TAP2: variants seen among roughly 807,000 people sequenced by gnomAD.
TAP2 encodes antigen peptide transporter 2.
A neutral mutation model predicts 74.7 loss-of-function variants in TAP2; 49 were observed. The ratio of observed to expected loss-of-function variants is 0.66; its 90% CI spans 0.52 to 0.83. The LOEUF is 0.83. Ranked by LOEUF, TAP2 falls within the 40% of genes least tolerant of loss-of-function variation. The pLI, the probability that TAP2 is intolerant of heterozygous loss-of-function variation, is 0.00. For missense variants in TAP2, 739 were observed against 859.0 expected (o/e 0.86, Z 1.75); for synonymous variants, 306 against 368.4 (o/e 0.83, Z 1.94).
rs531047135 is a variant in TAP2 at position 32,825,873 on chromosome 6, T to C, written c.*3033A>G. The C allele has an allele frequency of 1.7e-5, 10 of 593,586 alleles. No individual in the cohort carries two copies. The South Asian group carries it at 7.4e-4, about 44-fold the overall frequency. 36.8% of individuals were successfully genotyped at this position (593,586 alleles called of 1,614,324 possible). ...AAACTCCATTTTCTCACTCTTAGAA[T>C]TGAGATAGTAATACCTGCCACATAG... On this transcript the variant is annotated 3_prime_UTR_variant, in exon 12 of 12. Transcript: ENST00000374897.
Position 32,828,233 on chromosome 6 carries a change from C to T in TAP2, c.*673G>A. The T allele has an allele frequency of 1.0e-6, 1 of 971,556 alleles. No individual in the cohort carries two copies. Among genetic ancestry groups the T allele is most frequent in the Non-Finnish European group, 1.2e-6 (1 of 817,376 alleles). The allele number at this position is 971,556 out of a possible 1,614,324, so 60.2% of individuals were successfully genotyped here. On this transcript the variant is annotated 3_prime_UTR_variant, in exon 12 of 12. Transcript: ENST00000374897. The stretch of plus-strand genomic sequence containing the variant: ...AATACATGAAAAACACTTAGCATAG[C>T]TCCTACTCCCATTAAAACTCTATAA...
chr6:32,836,353 G>A (rs1769419940), intron 3 of TAP2, among the ~76,000 whole-genome samples: 2 of 152,176 alleles, frequency 1.3e-5, no homozygotes, highest in African/African-American at 4.8e-5. Context: ...AACACTTAGA[G>A]GAAAAAATAT....
rs1330663087 is a variant in TAP2 at position 32,826,589 on chromosome 6, T to C, written c.*2317A>G. ...TTCAGGGAGCATTTTTCTGTGTCCC[T>C]GACATAAAGCCTACCTGGGAGTTTC... On this transcript the variant is annotated 3_prime_UTR_variant, in exon 12 of 12. Transcript: ENST00000374897. 2.0e-6 allele frequency: 2 copies of C among 985,316 alleles called. No individual in the cohort carries two copies. Among genetic ancestry groups the C allele is most frequent in the African/African-American group, 1.7e-5 (1 of 57,238 alleles). The allele number at this position is 985,316 out of a possible 1,614,324, so 61.0% of individuals were successfully genotyped here.
At position 32,835,638 on chromosome 6, in the gene TAP2, C is replaced by A. The variant is rs746305542; in HGVS notation, c.739+5G>T. The A allele has an allele frequency of 3.1e-6, 5 of 1,612,984 alleles. No homozygotes were observed. The Admixed American group carries it at 8.3e-5, about 27-fold the overall frequency. ...GGAATCTCAGACCTGGACTCCAGGC[C>A]CCACCTGTCTTAGTCTCCTGGAAGA... On this transcript the variant is annotated splice_donor_5th_base_variant and intron_variant, in intron 4 of 11. Coordinates refer to ENST00000374897, the MANE Select transcript of TAP2 (RefSeq NM_001290043.2). This position sits in a 1 kb window ranked among gnomAD's most constrained non-coding sequence, Gnocchi z 4.0.
chr6:32,829,721 A>C (rs1768923087), intron 10 of TAP2, among the ~76,000 whole-genome samples, 185 bp from the exon 11 acceptor site: 1 of 152,150 alleles, frequency 6.6e-6, no homozygotes, highest in Non-Finnish European at 1.5e-5. Context: ...CGGAGGGAGC[A>C]CCACTGCTGC....
chr6:32,826,846 ATCT>A lies in TAP2; in HGVS notation c.*2057_*2059del, dbSNP rs1280674827. The A allele has an allele frequency of 7.1e-6, 7 of 985,444 alleles. No homozygotes were observed. The highest frequency in any genetic ancestry group is 8.4e-6 in the Non-Finnish European group (7 of 829,934). The allele number at this position is 985,444 out of a possible 1,614,324, so 61.0% of individuals were successfully genotyped here. ...AGGAAATCAAAGAATTTCTCAGATCATCTTCTTCTGTGAGGGCTGCAGCTTCCA... is the reference window on the plus strand; with the variant it reads ...AGGAAATCAAAGAATTTCTCAGATCATCTTCTGTGAGGGCTGCAGCTTCCA... On this transcript the variant is annotated 3_prime_UTR_variant, in exon 12 of 12. Coordinates refer to ENST00000374897, the MANE Select transcript of TAP2 (RefSeq NM_001290043.2).
downstream of TAP2, chr6:32,821,960 G>A (rs977129841): frequency 5.0e-5 from 14 of 282,824 alleles, no homozygotes; most frequent in Non-Finnish European, 7.9e-5. Context: ...ATGAGGGGAA[G>A]GGGCTGGGGA....
At chr6:32,822,801 G>T (rs747268811), downstream of TAP2, among the ~76,000 whole-genome samples, 3 of 151,978 alleles carry the variant, frequency 2.0e-5, no homozygotes, top group Non-Finnish European at 2.9e-5. Flanking sequence ...AAAGTGCTGG[G>T]ATTATAGGTG....
In TAP2 at chr6:32,831,235, T is replaced by G. The variant is rs1460391956; in HGVS notation, c.1273-429A>C. 2.6e-5 allele frequency among the ~76,000 whole-genome samples: 4 copies of G among 152,234 alleles called. 1 individual carries two copies. The highest frequency in any genetic ancestry group is 9.6e-5 in the African/African-American group (4 of 41,466). On this transcript the variant is annotated intron_variant, in intron 7 of 11. Coordinates refer to ENST00000374897, the MANE Select transcript of TAP2 (RefSeq NM_001290043.2). ...CTAGGAAAATGTTTAAATAAAGCCC[T>G]GGATGAAGTAGCTGTTTTTGAGAAC...
Position 32,835,223 on chromosome 6 carries a change from G to A in TAP2, c.876C>T (p.Leu292=). The change falls in exon 5 of 12, where the codon CTC becomes CTT. Residue 292 remains leucine (L), a synonymous_variant. Transcript: ENST00000374897. This position sits in a 1 kb window ranked among gnomAD's most constrained non-coding sequence, Gnocchi z 4.0. The part of the protein sequence containing the change: ...YGFMLSISPR[L]TLLSLLHMPF... ...GCATGTGCAGCAGAGAAAGGAGGGT[G>A]AGTCGAGGCGATATGCTGAGCATGA... 1 of 1,613,060 alleles carries A rather than the reference G, an allele frequency of 6.2e-7. No homozygotes were observed. The highest frequency in any genetic ancestry group is 8.5e-7 in the Non-Finnish European group (1 of 1,180,034).
In TAP2 at chr6:32,827,703, A is replaced by G. The variant is rs1438342105; in HGVS notation, c.*1203T>C. 4.2e-6 allele frequency: 4 copies of G among 953,788 alleles called. No homozygotes were observed. The highest frequency in any genetic ancestry group is 5.0e-6 in the Non-Finnish European group (4 of 801,832). 59.1% of individuals were successfully genotyped at this position (953,788 alleles called of 1,614,324 possible). ...AGTTTGTCGTGGAGCTGGATACAAC[A>G]GGAGAGGGTGAGACAGATGGGCTGG... On this transcript the variant is annotated 3_prime_UTR_variant, in exon 12 of 12. Coordinates refer to ENST00000374897, the MANE Select transcript of TAP2 (RefSeq NM_001290043.2).
rs140654840 is a variant in TAP2, at chr6:32,835,161, C to T, written c.938G>A (p.Arg313His). The stretch of plus-strand genomic sequence containing the variant: ...CCTTACATGCACGCTCACCTGATGG[C>T]GGGTGTTGTACACCTTCTCCGCTGC... ...TIAAEKVYNT[R>H]HQEVLREIQD... The change falls in exon 5 of 12, where the codon CGC becomes CAC. Residue 313 changes from arginine to histidine, a missense_variant. Coordinates refer to ENST00000374897, the MANE Select transcript of TAP2 (RefSeq NM_001290043.2). The surrounding 1 kb of genome is among the most constrained non-coding windows in gnomAD (Gnocchi z 4.0). 13,589 of 1,612,528 alleles carry T rather than the reference C, an allele frequency of 8.4e-3. 200 individuals are homozygous for T. The highest frequency in any genetic ancestry group is 0.024 in the African/African-American group (1,824 of 74,994).
chr6:32,835,541 T>C lies in TAP2; in HGVS notation c.739+102A>G, dbSNP rs138965252. The stretch of plus-strand genomic sequence containing the variant: ...CAAACAAGAGAAAAGCATCCCCAAG[T>C]CCTGGCATACGGGTGAAGGCAGGAG... On this transcript the variant is annotated intron_variant, in intron 4 of 11. Coordinates refer to ENST00000374897, the MANE Select transcript of TAP2 (RefSeq NM_001290043.2). The surrounding 1 kb of genome is among the most constrained non-coding windows in gnomAD (Gnocchi z 4.0). 5,394 of 1,562,864 alleles carry C rather than the reference T, an allele frequency of 3.5e-3. 64 individuals carry two copies. Among genetic ancestry groups the C allele is most frequent in the African/African-American group, 0.029 (2,141 of 73,906 alleles).
At chr6:32,824,338 A>G (rs1382565632), downstream of TAP2, among the ~76,000 whole-genome samples, 1 of 152,136 alleles carries the variant, frequency 6.6e-6, no homozygotes, top group Non-Finnish European at 1.5e-5. Context: ...CTGTAATTAC[A>G]TAAGCTGTCT....
intron 7 of TAP2, 95 bp from the exon 8 acceptor site, chr6:32,830,901 G>A (rs2127356207): frequency 1.9e-6 from 2 of 1,062,662 alleles, no homozygotes; most frequent in African/African-American, 3.1e-5. Flanking sequence ...CAACTGCACT[G>A]CTCCTCCTCC....
Position 32,832,162 on chromosome 6 carries a change from A to T in TAP2, c.1272+171T>A. 1.2e-6 allele frequency: 1 copy of T among 868,084 alleles called. No individual in the cohort carries two copies. The highest frequency in any genetic ancestry group is 1.8e-6 in the Non-Finnish European group (1 of 560,364). The allele number at this position is 868,084 out of a possible 1,614,324, so 53.8% of individuals were successfully genotyped here. ...CAGGATGTATACATGTGAGTTTGTA[A>T]TATTATTTTGTCTCATTTTTGGCAT... On this transcript the variant is annotated intron_variant, in intron 7 of 11. Coordinates refer to ENST00000374897, the MANE Select transcript of TAP2 (RefSeq NM_001290043.2). The surrounding 1 kb of genome is among the most constrained non-coding windows in gnomAD (Gnocchi z 5.9).
chr6:32,829,801 C>T (rs905111768), intron 10 of TAP2, 129 bp downstream of exon 10: 8 of 1,297,046 alleles, frequency 6.2e-6, no homozygotes, highest in African/African-American at 2.9e-5. Flanking sequence ...GGGAAGGAGA[C>T]GTAGGAATGG....
rs752742116 is a variant in TAP2, at chr6:32,830,402, C to T, written c.1500G>A (p.Ala500=). Residue 500 remains alanine (A), a synonymous_variant, in exon 9 of 12, where the codon GCG becomes GCA. Coordinates refer to ENST00000374897, the MANE Select transcript of TAP2 (RefSeq NM_001290043.2). ...TFTLRPGEVT[A]LVGPNGSGKS... ...TCCCAGACCCATTGGGTCCCACCAG[C>T]GCCGTCACCTCACCAGGACGTAGGG... 9.4e-5 allele frequency: 151 copies of T among 1,612,886 alleles called. 1 individual carries two copies. The highest frequency in any genetic ancestry group is 8.7e-4 in the South Asian group (79 of 91,082).
In TAP2 at chr6:32,838,123, TC is replaced by T; in HGVS notation, c.110del (p.Gly37AspfsTer17). 6.2e-7 allele frequency: 1 copy of T among 1,610,458 alleles called. No homozygotes were observed. The highest frequency in any genetic ancestry group is 8.5e-7 in the Non-Finnish European group (1 of 1,178,732). ...GCCGCAGGGTCCCCTCCAGCCATAG[TC>T]CTGGCAGCCCTTGAGGAAGCAAAGT... ...LGTLLPQGLPGLWLEGTLRLG... is the reference protein window; with the variant it reads ...LGTLLPQGLPXLWLEGTLRLG... On this transcript the variant is annotated frameshift_variant, in exon 2 of 12. Coordinates refer to ENST00000374897, the MANE Select transcript of TAP2 (RefSeq NM_001290043.2). LOFTEE classifies it high-confidence loss of function.
Sources: allele counts gnomAD v4.1 joint callset (sites outside exome capture counted in the v4.1 genomes callset), GRCh38; gene constraint gnomAD v4.1.1; non-coding constraint Gnocchi (gnomAD v3.1); transcripts MANE v1.5; gene names NCBI Gene and HGNC (gene_info 2026-07-23, HGNC 2026-07-21).